The following SCN10A variants were observed in gnomAD, a reference collection of about 807,000 sequenced individuals.
The protein encoded by SCN10A is sodium voltage-gated channel alpha subunit 10.
Under a neutral mutation model 170.7 loss-of-function variants are expected in SCN10A, and 162 were observed. The ratio of observed to expected loss-of-function variants is 0.95; its 90% confidence interval spans 0.84 to 1.08. The LOEUF (loss-of-function observed/expected upper bound fraction) is 1.08, where lower values mean the gene tolerates loss of function less well. Among genes scored for constraint, SCN10A ranks in the 50% least tolerant of loss-of-function variants. The pLI, the probability that SCN10A is intolerant of heterozygous loss-of-function variation, is 0.00. For synonymous variants in SCN10A, 985 were observed against 904.6 expected (o/e 1.09, Z -1.59); for missense variants, 2,527 against 2,436.9 (o/e 1.04, Z -0.78).
In SCN10A at chr3:38,710,728, T is replaced by C. The variant is rs567350465; in HGVS notation, c.4143+116A>G. ...GCTGCAAGGAGGGACAGTGTGAGGT[T>C]GCTGGGTGATCGCCTCTTCCAGTAC... On this transcript the variant is annotated intron_variant, in intron 24 of 27. Coordinates refer to ENST00000449082, the MANE Select transcript of SCN10A (RefSeq NM_006514.4). The C allele has an allele frequency of 4.7e-5, 44 of 944,156 alleles. No individual in the cohort carries two copies. In the Middle Eastern group the frequency reaches 6.4e-4, roughly 14 times the overall value. The allele number at this position is 944,156 out of a possible 1,614,324, so 58.5% of individuals were successfully genotyped here.
intron 5 of SCN10A, among the ~76,000 whole-genome samples, chr3:38,766,587 C>T (rs1367627522): frequency 1.3e-5 from 2 of 151,986 alleles, no homozygotes; most frequent in African/African-American, 4.8e-5. Flanking sequence ...TATGAAACCC[C>T]CTTGATCATG....
intron 27 of SCN10A, 49 bp downstream of exon 27, chr3:38,701,790 G>C (rs745390122): frequency 1.4e-5 from 21 of 1,522,138 alleles, no homozygotes; most frequent in Non-Finnish European, 1.9e-5. Context: ...GCATCCCAAA[G>C]ACCCCCAAAC....
chr3:38,756,314 C>T (rs183822564), intron 10 of SCN10A, among the ~76,000 whole-genome samples: 1 of 151,132 alleles, frequency 6.6e-6, no homozygotes, highest in Non-Finnish European at 1.5e-5. Flanking sequence ...AAAAAAAAAG[C>T]TGGCCCCCTT....
At chr3:38,751,246 G>T (rs1383507889) in intron 12 of SCN10A, among the ~76,000 whole-genome samples, 2 of 152,240 alleles carry the variant, frequency 1.3e-5, no homozygotes, top group Non-Finnish European at 2.9e-5. Context: ...TGCTGCTGTA[G>T]TCTAATTCTG....
chr3:38,745,269 T>C (rs2063674314), intron 13 of SCN10A, among the ~76,000 whole-genome samples: 1 of 152,160 alleles, frequency 6.6e-6, no homozygotes, highest in African/African-American at 2.4e-5. Flanking sequence ...CTATATAAAA[T>C]TGATAACAGA....
intron 15 of SCN10A, among the ~76,000 whole-genome samples, chr3:38,734,743 T>C (rs1452236021): frequency 6.6e-6 from 1 of 152,210 alleles, no homozygotes. Flanking sequence ...TGGTGAAATA[T>C]TGAAAGGATT....
At chr3:38,800,842 C>A (rs2064366731) in intron 1 of SCN10A, among the ~76,000 whole-genome samples, 1 of 152,126 alleles carries the variant, frequency 6.6e-6, no homozygotes, top group South Asian at 2.1e-4. Flanking sequence ...CCCACTGGGT[C>A]TCTTCTTCAT....
At chr3:38,772,322 G>GAAAAA (rs147803028) in intron 4 of SCN10A, among the ~76,000 whole-genome samples, 2 of 133,862 alleles carry the variant, frequency 1.5e-5, no homozygotes, top group African/African-American at 5.7e-5. Context: ...CCAAACAACT[G>GAAAAA]AAAAAAAAAA....
In SCN10A at chr3:38,792,158, A is replaced by G; in HGVS notation, c.281T>C (p.Val94Ala). Residue 94 changes from valine (V) to alanine (A), a missense_variant, in exon 3 of 28, where the codon GTG becomes GCG. Val to Ala is a moderately conservative substitution (Grantham distance 64). Transcript: ENST00000449082. ...GGAAATGGTCCTCCCTTTGTTCAGC[A>G]CCATAAATGTCTGAAACAAAACAAA... is the stretch of plus-strand genomic sequence containing the variant. ...PFYSTHRTFM[V>A]LNKGRTISRF... 6.2e-7 allele frequency: 1 copy of G among 1,613,602 alleles called. No homozygotes were observed.
Position 38,770,037 on chromosome 3 carries a change from G to A in SCN10A, c.599+1242C>T, listed in dbSNP as rs192901914. On this transcript the variant is annotated intron_variant, in intron 5 of 27. Coordinates refer to ENST00000449082, the MANE Select transcript of SCN10A (RefSeq NM_006514.4). ...AGTGTGCTGGCTTTCTTGAATGCTA[G>A]TTATGTTAGCAGTGAAGTTGTCATA... 2.0e-5 allele frequency among the ~76,000 whole-genome samples: 3 copies of A among 152,338 alleles called. No individual in the cohort carries two copies. The East Asian group carries it at 5.8e-4, about 29-fold the overall frequency.
chr3:38,702,217 G>C, intron 26 of SCN10A, 108 bp from the exon 27 acceptor site: 1 of 1,186,794 alleles, frequency 8.4e-7, no homozygotes, highest in East Asian at 2.6e-5. Flanking sequence ...CATCTTAACA[G>C]AAGCGAAATA....
At chr3:38,739,800 G>T in intron 14 of SCN10A, 112 bp from the exon 15 acceptor site, 2 of 885,926 alleles carry the variant, frequency 2.3e-6, no homozygotes, top group Non-Finnish European at 3.5e-6. Flanking sequence ...CTTTTGTTTT[G>T]TTCAGTTGCT....
intron 3 of SCN10A, among the ~76,000 whole-genome samples, chr3:38,791,673 T>C (rs966098195): frequency 6.6e-6 from 1 of 152,188 alleles, no homozygotes; most frequent in Non-Finnish European, 1.5e-5. Context: ...CAAAGAAGGC[T>C]TGGGCCCTCT....
intron 8 of SCN10A, 92 bp downstream of exon 8, chr3:38,760,589 C>G: frequency 1.0e-6 from 1 of 980,918 alleles, no homozygotes; most frequent in South Asian, 1.3e-5. Flanking sequence ...TTTCCCAGGA[C>G]CTGCAACCCC....
intron 13 of SCN10A, 75 bp downstream of exon 13, chr3:38,749,998 G>C (rs1201138815): frequency 1.3e-6 from 1 of 796,134 alleles, no homozygotes; most frequent in Non-Finnish European, 2.2e-6. Context: ...ACACGAGTTA[G>C]AGACATTGCT....
In SCN10A at chr3:38,697,302, C is replaced by A. The variant is rs116283332; in HGVS notation, c.*47G>T. ...GCAATGGGAAAGAGTTAACACAGAG[C>A]AGAAGGACGCATCATAACTGAACAT... On this transcript the variant is annotated 3_prime_UTR_variant, in exon 28 of 28. Transcript: ENST00000449082. The A allele has an allele frequency of 1.3e-6, 2 of 1,594,398 alleles. No individual in the cohort carries two copies. The highest frequency in any genetic ancestry group is 1.7e-6 in the Non-Finnish European group (2 of 1,168,916).
At chr3:38,707,233 T>A in intron 26 of SCN10A, 46 bp downstream of exon 26, 1 of 1,588,842 alleles carries the variant, frequency 6.3e-7, no homozygotes, top group East Asian at 2.2e-5. Flanking sequence ...GACTGTCATG[T>A]TGGATTCACA....
At chr3:38,757,896 A>T (rs553112654) in intron 8 of SCN10A, among the ~76,000 whole-genome samples, 1 of 152,318 alleles carries the variant, frequency 6.6e-6, no homozygotes, top group African/African-American at 2.4e-5. Flanking sequence ...TCATAATAGG[A>T]GGATGAGTCG....
At position 38,697,188 on chromosome 3, in the gene SCN10A, TCAAAGGTGG is replaced by T; in HGVS notation, c.*152_*160del. ...CTCCTATTTGTGTATGATGGTTTTTTCAAAGGTGGTTACCAGTTGCATTCCCTGCCCAGT... is the reference window on the plus strand; with the variant it reads ...CTCCTATTTGTGTATGATGGTTTTTTTTACCAGTTGCATTCCCTGCCCAGT... On this transcript the variant is annotated 3_prime_UTR_variant, in exon 28 of 28. Transcript: ENST00000449082. 8.8e-7 allele frequency: 1 copy of T among 1,138,358 alleles called. No individual in the cohort carries two copies. Among genetic ancestry groups the T allele is most frequent in the South Asian group, 1.7e-5 (1 of 60,150 alleles). The allele number at this position is 1,138,358 out of a possible 1,614,324, so 70.5% of individuals were successfully genotyped here. A position where few individuals can be genotyped will look rare whatever the true frequency, so the allele number is the denominator to read the frequency against.
Sources: allele counts gnomAD v4.1 joint callset (sites outside exome capture counted in the v4.1 genomes callset), GRCh38; gene constraint gnomAD v4.1.1; transcripts MANE v1.5; gene names NCBI Gene and HGNC (gene_info 2026-07-23, HGNC 2026-07-21).